The following MAP2K5 variants were observed in gnomAD, a reference collection of about 807,000 sequenced individuals.
The protein encoded by MAP2K5 is mitogen-activated protein kinase kinase 5.
A neutral mutation model predicts 83.1 loss-of-function variants in MAP2K5; 49 were observed. The observed-to-expected ratio is 0.59, with a 90% CI of 0.47 to 0.75. The LOEUF is 0.75. MAP2K5 is among the 30% of genes least tolerant of loss of function. The pLI, the probability that MAP2K5 is intolerant of heterozygous loss-of-function variation, is 0.00. For missense variants in MAP2K5, 457 were observed against 557.5 expected (o/e 0.82, Z 1.82); for synonymous variants, 202 against 191.8 (o/e 1.05, Z -0.44).
intron 13 of MAP2K5, among the ~76,000 whole-genome samples, chr15:67,681,549 G>T (rs893649382): frequency 2.6e-5 from 4 of 152,216 alleles, no homozygotes; most frequent in Admixed American, 2.6e-4. Flanking sequence ...AGGAGTATTG[G>T]ATATTAAAAA....
chr15:67,759,528 C>T (rs1443518272), intron 19 of MAP2K5, among the ~76,000 whole-genome samples: 1 of 148,666 alleles, frequency 6.7e-6, no homozygotes, highest in Non-Finnish European at 1.5e-5. Flanking sequence ...CTACTGCACT[C>T]TAGCCTGGAT....
intron 5 of MAP2K5, among the ~76,000 whole-genome samples, 184 bp downstream of exon 5, chr15:67,586,114 A>G (rs549257216): frequency 1.3e-5 from 2 of 152,246 alleles, no homozygotes; most frequent in South Asian, 2.1e-4. Flanking sequence ...ATATATTTGC[A>G]TACTGGGGGT....
chr15:67,773,385 A>G (rs1596950653), intron 21 of MAP2K5, among the ~76,000 whole-genome samples: 1 of 152,224 alleles, frequency 6.6e-6, no homozygotes, highest in African/African-American at 2.4e-5. Context: ...AGCTGTTAGA[A>G]TAACGTTAGG....
At chr15:67,773,723 G>A (rs915267551) in intron 21 of MAP2K5, among the ~76,000 whole-genome samples, 4 of 152,034 alleles carry the variant, frequency 2.6e-5, no homozygotes, top group African/African-American at 9.7e-5. Context: ...CAGTTTTCAG[G>A]GTAGTTTCAA....
intron 13 of MAP2K5, chr15:67,670,437 A>G (rs2087501716): frequency 2.2e-6 from 1 of 455,720 alleles, no homozygotes; most frequent in South Asian, 1.6e-5. Context: ...AGACCTGTGC[A>G]CCTGAAAAGG....
intron 20 of MAP2K5, among the ~76,000 whole-genome samples, chr15:67,771,572 A>T (rs184434935): frequency 2.0e-5 from 3 of 152,366 alleles, no homozygotes; most frequent in African/African-American, 7.2e-5. Flanking sequence ...CCCAAGAGAT[A>T]CAGCTACTTT....
rs2084543541 is a variant in MAP2K5, at chr15:67,552,998, C to T, written c.184+2916C>T. ...CTTGCTTTTCGGATCCCCAAAGTGG[C>T]TTGATGTGCCTGTGCCTGCCTCATT... is the stretch of plus-strand genomic sequence containing the variant. On this transcript the variant is annotated intron_variant, in intron 2 of 21. Transcript: ENST00000178640. The surrounding 1 kb of genome is among the most constrained non-coding windows in gnomAD (Gnocchi z 4.2). Among the ~76,000 whole-genome samples, 1 of 152,132 alleles carries T rather than the reference C, an allele frequency of 6.6e-6. No homozygotes were observed. Among genetic ancestry groups the T allele is most frequent in the Non-Finnish European group, 1.5e-5 (1 of 68,026 alleles).
chr15:67,641,518 G>T, intron 9 of MAP2K5: 2 of 999,782 alleles, frequency 2.0e-6, no homozygotes, highest in Non-Finnish European at 1.2e-6. Context: ...TATTTATACT[G>T]TATATTTTAA....
chr15:67,705,569 A>T lies in MAP2K5; in HGVS notation c.1044+2161A>T, dbSNP rs896465639. Reference sequence around the variant, plus strand: ...GACCAACATGGAGAAACCCTGTCTCAACTAAAAATACAAACAATTAGCTGG... The same window carrying T: ...GACCAACATGGAGAAACCCTGTCTCTACTAAAAATACAAACAATTAGCTGG... On this transcript the variant is annotated intron_variant, in intron 16 of 21. Transcript: ENST00000178640. 2.0e-5 allele frequency among the ~76,000 whole-genome samples: 3 copies of T among 152,054 alleles called. No homozygotes were observed. The East Asian group carries it at 5.8e-4, about 29-fold the overall frequency.
chr15:67,765,359 T>C (rs1399179040), intron 19 of MAP2K5, among the ~76,000 whole-genome samples: 1 of 137,526 alleles, frequency 7.3e-6, no homozygotes, highest in East Asian at 2.1e-4. Flanking sequence ...CTCCATCTAA[T>C]AAAATTTTTT....
rs554724241 is a variant in MAP2K5 at position 67,708,249 on chromosome 15, G to A, written c.1044+4841G>A. ...GAGGCAGGAAAATTGCTAGAGCCTA[G>A]GAGTTTGAGGCTGCAGTGAGCTATG... is the stretch of plus-strand genomic sequence containing the variant. On this transcript the variant is annotated intron_variant, in intron 16 of 21. Coordinates refer to ENST00000178640, the MANE Select transcript of MAP2K5 (RefSeq NM_145160.3). The surrounding 1 kb of genome is among the most constrained non-coding windows in gnomAD (Gnocchi z 4.9). 3.9e-5 allele frequency among the ~76,000 whole-genome samples: 6 copies of A among 151,990 alleles called. No homozygotes were observed. In the South Asian group the frequency reaches 1.0e-3, roughly 26 times the overall value.
chr15:67,566,772 T>C (rs2084849105), intron 3 of MAP2K5, among the ~76,000 whole-genome samples: 1 of 152,230 alleles, frequency 6.6e-6, no homozygotes, highest in Non-Finnish European at 1.5e-5. Context: ...GTAATTTAAA[T>C]AGATTTTTGT....
At chr15:67,629,123 CAGA>C in intron 8 of MAP2K5, 1 of 731,246 alleles carries the variant, frequency 1.4e-6, no homozygotes, top group Non-Finnish European at 2.5e-6. Context: ...ACGGCAGTGG[CAGA>C]AGATTTTAAT....
chr15:67,786,807 T>C lies in MAP2K5; in HGVS notation c.1242+14055T>C, dbSNP rs2090426861. ...TGAAATTTAAGTGAGATAAAAATGTTAGACACTTAGCACAGTGTCTGGCAT... is the reference window on the plus strand; with the variant it reads ...TGAAATTTAAGTGAGATAAAAATGTCAGACACTTAGCACAGTGTCTGGCAT... On this transcript the variant is annotated intron_variant, in intron 21 of 21. Transcript: ENST00000178640. This position sits in a 1 kb window ranked among gnomAD's most constrained non-coding sequence, Gnocchi z 4.7. Among the ~76,000 whole-genome samples the C allele has an allele frequency of 6.6e-6, 1 of 152,252 alleles. No homozygotes were observed. Among genetic ancestry groups the C allele is most frequent in the Non-Finnish European group, 1.5e-5 (1 of 68,048 alleles).
chr15:67,803,398 G>A (rs1327868123), intron 21 of MAP2K5, among the ~76,000 whole-genome samples: 1 of 152,176 alleles, frequency 6.6e-6, no homozygotes, highest in Non-Finnish European at 1.5e-5. Flanking sequence ...TTCTCCATCA[G>A]ATTTTGTTTG....
intron 21 of MAP2K5, among the ~76,000 whole-genome samples, chr15:67,806,253 A>C (rs1055632777): frequency 6.6e-6 from 1 of 152,270 alleles, no homozygotes; most frequent in Non-Finnish European, 1.5e-5. Context: ...CTGGGCACCA[A>C]CTGAACCGGA....
In MAP2K5 at chr15:67,668,944, GGA is replaced by G; in HGVS notation, c.847+4300_847+4301del. Among the ~76,000 whole-genome samples, 1 of 152,084 alleles carries G rather than the reference GGA, an allele frequency of 6.6e-6. No individual in the cohort carries two copies. The highest frequency in any genetic ancestry group is 6.6e-5 in the Admixed American group (1 of 15,264). ...AATACGTTTTTGCAGAAATTCTGTA[GGA>G]AAATGCTGGCCAGATAGATTTGTGT... On this transcript the variant is annotated intron_variant, in intron 13 of 21. Coordinates refer to ENST00000178640, the MANE Select transcript of MAP2K5 (RefSeq NM_145160.3). This position sits in a 1 kb window ranked among gnomAD's most constrained non-coding sequence, Gnocchi z 4.0.
intron 8 of MAP2K5, 96 bp downstream of exon 8, chr15:67,600,845 C>T: frequency 1.2e-6 from 1 of 826,356 alleles, no homozygotes; most frequent in South Asian, 1.9e-5. Context: ...ACCACTAACA[C>T]TTAGATTTTA....
At chr15:67,725,339 A>G (rs564175671) in intron 16 of MAP2K5, among the ~76,000 whole-genome samples, 26 of 152,162 alleles carry the variant, frequency 1.7e-4, no homozygotes, top group African/African-American at 6.0e-4. Flanking sequence ...ACCACTTGCA[A>G]CCGGAAGCTT....
Sources: allele counts gnomAD v4.1 joint callset (sites outside exome capture counted in the v4.1 genomes callset), GRCh38; gene constraint gnomAD v4.1.1; non-coding constraint Gnocchi (gnomAD v3.1); transcripts MANE v1.5; gene names NCBI Gene and HGNC (gene_info 2026-07-23, HGNC 2026-07-21).